PMS1: variants seen among roughly 807,000 people sequenced by gnomAD.
The protein encoded by PMS1 is PMS1 homolog 1, mismatch repair system component, also known as PMS1 protein homolog 1.
PMS1 carries 79 observed loss-of-function variants against 93.1 expected under a neutral mutation model. That is an observed-to-expected ratio of 0.85 (90% confidence interval 0.71 to 1.02). PMS1 has a LOEUF of 1.02. Ranked by LOEUF, PMS1 falls within the 50% of genes least tolerant of loss-of-function variation. The probability of loss-of-function intolerance (pLI) is 0.00; values close to 1 mark genes in which losing one functional copy is unlikely to be tolerated. For synonymous variants in PMS1, 335 were observed against 363.4 expected (o/e 0.92, Z 0.89); for missense variants, 1,064 against 1,085.3 (o/e 0.98, Z 0.28).
At chr2:189,836,404 T>C (rs2053389924) in intron 5 of PMS1, among the ~76,000 whole-genome samples, 1 of 152,232 alleles carries the variant, frequency 6.6e-6, no homozygotes, top group Non-Finnish European at 1.5e-5. Flanking sequence ...AGAAAACATA[T>C]GGAGGTTTGT....
chr2:189,804,123 G>A (rs2050130669), intron 3 of PMS1, among the ~76,000 whole-genome samples: 1 of 152,082 alleles, frequency 6.6e-6, no homozygotes, highest in Non-Finnish European at 1.5e-5. Context: ...CATTTATTCA[G>A]GACCATCTAG....
rs1332350534 is a variant in PMS1, at chr2:189,821,152, T to C, written c.582+2972T>C. 2.0e-5 allele frequency among the ~76,000 whole-genome samples: 3 copies of C among 152,116 alleles called. No individual in the cohort carries two copies. In the East Asian group the frequency reaches 5.8e-4, roughly 29 times the overall value. ...GTAAAATATAAAGAGAAATAGGAATTATATATTTGTAAAAGAAAAGTGGGC... is the reference window on the plus strand; with the variant it reads ...GTAAAATATAAAGAGAAATAGGAATCATATATTTGTAAAAGAAAAGTGGGC... On this transcript the variant is annotated intron_variant, in intron 5 of 12. Transcript: ENST00000441310.
At chr2:189,860,516 A>G (rs551446273) in intron 9 of PMS1, among the ~76,000 whole-genome samples, 40 of 152,198 alleles carry the variant, frequency 2.6e-4, no homozygotes, top group African/African-American at 8.9e-4. Flanking sequence ...GTTTGGGGCT[A>G]TTATGAGTAA....
At chr2:189,808,341 AT>A (rs1462381474) in intron 4 of PMS1, among the ~76,000 whole-genome samples, 1 of 151,872 alleles carries the variant, frequency 6.6e-6, no homozygotes, top group Non-Finnish European at 1.5e-5. Flanking sequence ...TATTATTCTT[AT>A]TTTGAGACAG....
chr2:189,876,312 G>C (rs755289862), intron 12 of PMS1, among the ~76,000 whole-genome samples: 8 of 152,042 alleles, frequency 5.3e-5, no homozygotes, highest in Non-Finnish European at 1.0e-4. Flanking sequence ...TAATTAGAGA[G>C]GAATAAGAAG....
At chr2:189,836,360 A>G (rs994623763) in intron 5 of PMS1, among the ~76,000 whole-genome samples, 2 of 152,212 alleles carry the variant, frequency 1.3e-5, no homozygotes, top group African/African-American at 4.8e-5. Context: ...CTTAGTTGGC[A>G]CATCCAGGTG....
At chr2:189,866,482 A>G (rs1212643030) in intron 10 of PMS1, among the ~76,000 whole-genome samples, 1 of 152,172 alleles carries the variant, frequency 6.6e-6, no homozygotes, top group East Asian at 1.9e-4. Flanking sequence ...AAACTGAGTC[A>G]GGGACTAGTT....
rs754305507 is a variant in PMS1, at chr2:189,864,167, C to G, written c.2281C>G (p.Leu761Val). The change falls in exon 10 of 13, where the codon CTT becomes GTT. Residue 761 changes from leucine (L) to valine (V), a missense_variant. Coordinates refer to ENST00000441310, the MANE Select transcript of PMS1 (RefSeq NM_000534.5). ...RVEEALLFKR[L>V]LENHKLPAEP... is the part of the protein sequence containing the mutation. ...AGAAGAAGCCCTGCTATTTAAAAGACTTCTTGAGAATCATAAACTTCCTGC... is the reference window on the plus strand; with the variant it reads ...AGAAGAAGCCCTGCTATTTAAAAGAGTTCTTGAGAATCATAAACTTCCTGC... The G allele has an allele frequency of 1.2e-6, 2 of 1,610,322 alleles. No individual in the cohort carries two copies. Among genetic ancestry groups the G allele is most frequent in the Non-Finnish European group, 1.7e-6 (2 of 1,177,134 alleles).
chr2:189,804,533 C>G (rs2050169032), intron 3 of PMS1, among the ~76,000 whole-genome samples: 1 of 152,148 alleles, frequency 6.6e-6, no homozygotes, highest in Non-Finnish European at 1.5e-5. Context: ...CAGAGAGAAT[C>G]TAACGTCCTC....
Position 189,825,099 on chromosome 2 carries a change from T to C in PMS1, c.582+6919T>C, listed in dbSNP as rs957694668. On this transcript the variant is annotated intron_variant, in intron 5 of 12. Coordinates refer to ENST00000441310, the MANE Select transcript of PMS1 (RefSeq NM_000534.5). ...GAAGTACTATTGCTATTTTGATAAC[T>C]TGGATTAGATAGTGTTCTTTCTTTT... Among the ~76,000 whole-genome samples the C allele has an allele frequency of 4.6e-5, 7 of 152,154 alleles. No individual in the cohort carries two copies. In the South Asian group the frequency reaches 1.4e-3, roughly 31 times the overall value.
In PMS1 at chr2:189,850,403, A is replaced by G. The variant is rs5743121; in HGVS notation, c.700-2252A>G. Among the ~76,000 whole-genome samples, 236 of 152,316 alleles carry G rather than the reference A, an allele frequency of 1.5e-3. 1 individual carries two copies. In the Middle Eastern group the frequency reaches 0.034, roughly 22 times the overall value. On this transcript the variant is annotated intron_variant, in intron 6 of 12. Transcript: ENST00000441310. ...ATAGTAAAGGAGTATAGGATGAGCTAGCAGGATAGAAGTAGGATGAAATAT... is the reference window on the plus strand; with the variant it reads ...ATAGTAAAGGAGTATAGGATGAGCTGGCAGGATAGAAGTAGGATGAAATAT...
rs1251106822 is a variant in PMS1, at chr2:189,795,784, G to C, written c.148G>C (p.Asp50His). Residue 50 changes from aspartate (D) to histidine (H), a missense_variant, in exon 3 of 13, where the codon GAT (aspartate) becomes CAT (histidine). Transcript: ENST00000441310. ...CATTTTATAGGAGAACTATGGATTT[G>C]ATAAAATTGAGGTGCGAGATAACGG... ...VDVKLENYGF[D>H]KIEVRDNGEG... 2.5e-6 allele frequency: 4 copies of C among 1,613,488 alleles called. No homozygotes were observed. Among genetic ancestry groups the C allele is most frequent in the Non-Finnish European group, 3.4e-6 (4 of 1,179,410 alleles).
intron 2 of PMS1, among the ~76,000 whole-genome samples, chr2:189,794,273 C>T (rs770353412): frequency 3.9e-5 from 6 of 152,018 alleles, no homozygotes; most frequent in South Asian, 2.1e-4. Flanking sequence ...CCACCATGCC[C>T]GGCTAATTTT....
chr2:189,849,432 CTT>C (rs2054513053), intron 6 of PMS1, among the ~76,000 whole-genome samples: 1 of 152,046 alleles, frequency 6.6e-6, no homozygotes, highest in South Asian at 2.1e-4. Context: ...ATTCTAATTT[CTT>C]TACCTTTTTT....
intron 3 of PMS1, among the ~76,000 whole-genome samples, chr2:189,802,409 G>A (rs566667475): frequency 6.6e-6 from 1 of 152,290 alleles, no homozygotes; most frequent in Non-Finnish European, 1.5e-5. Flanking sequence ...TATTCATTAA[G>A]TGGAAGCTGT....
chr2:189,789,469 C>T (rs751630622), intron 1 of PMS1, among the ~76,000 whole-genome samples: 3 of 152,114 alleles, frequency 2.0e-5, no homozygotes, highest in East Asian at 1.9e-4. Flanking sequence ...TGCCAATCAC[C>T]TTTGCCTTCT....
In PMS1 at chr2:189,795,859, A is replaced by G. The variant is rs902001045; in HGVS notation, c.223A>G (p.Thr75Ala). Reference protein sequence around the residue: ...DAPVMAMKYYTSKINSHEDLE... With the variant: ...DAPVMAMKYYASKINSHEDLE... ...ACCTGTAATGGCAATGAAGTACTACACCTCAAAAATAAATAGTCATGAAGA... is the reference window on the plus strand; with the variant it reads ...ACCTGTAATGGCAATGAAGTACTACGCCTCAAAAATAAATAGTCATGAAGA... Residue 75 changes from threonine to alanine, a missense_variant, in exon 3 of 13, where the codon ACC becomes GCC. By Grantham distance (58) the Thr-to-Ala change is moderately conservative (BLOSUM62 0). Coordinates refer to ENST00000441310, the MANE Select transcript of PMS1 (RefSeq NM_000534.5). 1 of 1,613,052 alleles carries G rather than the reference A, an allele frequency of 6.2e-7. No homozygotes were observed. The highest frequency in any genetic ancestry group is 8.5e-7 in the Non-Finnish European group (1 of 1,179,030).
chr2:189,797,505 G>A lies in PMS1; in HGVS notation c.315+1554G>A, dbSNP rs540978422. 2.0e-5 allele frequency among the ~76,000 whole-genome samples: 3 copies of A among 152,268 alleles called. No individual in the cohort carries two copies. The South Asian group carries it at 6.2e-4, about 32-fold the overall frequency. ...TTTTGTACTATACTATTACCCTGTGGATGTTGGGCTCTTATTGTGTGACAG... is the reference window on the plus strand; with the variant it reads ...TTTTGTACTATACTATTACCCTGTGAATGTTGGGCTCTTATTGTGTGACAG... On this transcript the variant is annotated intron_variant, in intron 3 of 12. Transcript: ENST00000441310.
Position 189,854,239 on chromosome 2 carries a change from G to T in PMS1, c.967G>T (p.Glu323Ter), listed in dbSNP as rs777221902. ...DKSQVLLQNK[E>*]SVLIALENLM... is the part of the protein sequence containing the mutation. ...AACATTTGTTAATTTGTATTTTTAG[G>T]AATCTGTTTTAATTGCTCTTGAAAA... is the stretch of plus-strand genomic sequence containing the variant. Residue 323 changes from glutamate to a stop codon, truncating the protein, a stop_gained and splice_region_variant, in exon 9 of 13, where the codon GAA (glutamate) becomes TAA (stop). Coordinates refer to ENST00000441310, the MANE Select transcript of PMS1 (RefSeq NM_000534.5). LOFTEE classifies it high-confidence loss of function. 2 of 1,578,242 alleles carry T rather than the reference G, an allele frequency of 1.3e-6. No individual in the cohort carries two copies. Among genetic ancestry groups the T allele is most frequent in the Non-Finnish European group, 1.7e-6 (2 of 1,159,986 alleles).
Sources: allele counts gnomAD v4.1 joint callset (sites outside exome capture counted in the v4.1 genomes callset), GRCh38; gene constraint gnomAD v4.1.1; transcripts MANE v1.5; gene names NCBI Gene and HGNC (gene_info 2026-07-23, HGNC 2026-07-21).